ALPK1: variants seen among roughly 807,000 people sequenced by gnomAD.
ALPK1 encodes alpha-protein kinase 1.
A neutral mutation model predicts 120.6 loss-of-function variants in ALPK1; 110 were observed. The ratio of observed to expected loss-of-function variants is 0.91; its 90% confidence interval spans 0.78 to 1.07. The LOEUF (loss-of-function observed/expected upper bound fraction) is 1.07, where lower values mean the gene tolerates loss of function less well. Ranked by LOEUF, ALPK1 falls within the 50% of genes least tolerant of loss-of-function variation. The pLI is 0.00. For synonymous variants in ALPK1, 582 were observed against 560.3 expected (o/e 1.04, Z -0.55); for missense variants, 1,498 against 1,483.9 (o/e 1.01, Z -0.16).
intron 4 of ALPK1, among the ~76,000 whole-genome samples, chr4:112,395,253 A>G (rs1302667586): frequency 6.6e-6 from 1 of 152,180 alleles, no homozygotes; most frequent in Non-Finnish European, 1.5e-5. Flanking sequence ...CAGCAGGGAT[A>G]TGCCCTGGAT....
At chr4:112,386,275 A>G (rs1261978706) in intron 4 of ALPK1, among the ~76,000 whole-genome samples, 2 of 152,120 alleles carry the variant, frequency 1.3e-5, no homozygotes, top group African/African-American at 4.8e-5. Context: ...AATTTATGGC[A>G]GGGGCCAACC....
At chr4:112,310,499 C>T (rs1404384212) in intron 1 of ALPK1, among the ~76,000 whole-genome samples, 1 of 152,048 alleles carries the variant, frequency 6.6e-6, no homozygotes, top group Non-Finnish European at 1.5e-5. Context: ...ATAGCATGGC[C>T]AAGTTTTTGC....
intron 4 of ALPK1, among the ~76,000 whole-genome samples, chr4:112,410,120 A>T (rs1016899781): frequency 6.6e-6 from 1 of 152,188 alleles, no homozygotes; most frequent in Non-Finnish European, 1.5e-5. Flanking sequence ...CAGATAATTG[A>T]CTCAAAGGGG....
rs773665387 is a variant in ALPK1, at chr4:112,429,159, A to G, written c.806A>G (p.Lys269Arg). The change falls in exon 10 of 16, where the codon AAG (lysine) becomes AGG (arginine). Residue 269 changes from lysine to arginine, a missense_variant. Physicochemically the swap from Lys to Arg is conservative, Grantham distance 26. Coordinates refer to ENST00000650871, the MANE Select transcript of ALPK1 (RefSeq NM_025144.4). ...NNPQINLSLL[K>R]EFDHHLLSAA... ...CCTGTTTTCTCACAGAGCCTGCTGA[A>G]GGAGTTTGACCACCATTTGCTGTCC... The G allele has an allele frequency of 5.6e-6, 9 of 1,613,352 alleles. No homozygotes were observed. In the Admixed American group the frequency reaches 1.2e-4, roughly 21 times the overall value.
chr4:112,429,713 G>GCA (rs1734441340), intron 10 of ALPK1, among the ~76,000 whole-genome samples: 3 of 151,530 alleles, frequency 2.0e-5, no homozygotes, highest in Admixed American at 2.0e-4. Flanking sequence ...GGTGGTACGT[G>GCA]CCTATAGTCC....
At chr4:112,328,482 C>T (rs1258239273) in intron 2 of ALPK1, among the ~76,000 whole-genome samples, 3 of 152,214 alleles carry the variant, frequency 2.0e-5, no homozygotes, top group Non-Finnish European at 4.4e-5. Flanking sequence ...GTTATACTCT[C>T]CCTTGCTGCT....
intron 2 of ALPK1, among the ~76,000 whole-genome samples, chr4:112,328,304 A>G (rs1427800906): frequency 6.6e-6 from 1 of 152,230 alleles, no homozygotes; most frequent in Non-Finnish European, 1.5e-5. Context: ...CTCTGTTCGC[A>G]CTGGCTGCTA....
At position 112,317,708 on chromosome 4, in the gene ALPK1, T is replaced by G. The variant is rs1269923587; in HGVS notation, c.-101+1856T>G. Among the ~76,000 whole-genome samples, 6 of 152,160 alleles carry G rather than the reference T, an allele frequency of 3.9e-5. No individual in the cohort carries two copies. In the East Asian group the frequency reaches 1.2e-3, roughly 29 times the overall value. On this transcript the variant is annotated intron_variant, in intron 2 of 15. Transcript: ENST00000650871. ...TTTAGCTATTCCAAGTCCCTTGAGA[T>G]TCTATATAAATTTTAGGATGGATTT...
intron 1 of ALPK1, among the ~76,000 whole-genome samples, chr4:112,299,988 A>G (rs1048177735): frequency 1.3e-5 from 2 of 152,158 alleles, no homozygotes; most frequent in Admixed American, 6.5e-5. Flanking sequence ...GTATGTGCCA[A>G]TGGCTATATG....
At chr4:112,396,525 G>A (rs1289350691) in intron 4 of ALPK1, among the ~76,000 whole-genome samples, 2 of 152,174 alleles carry the variant, frequency 1.3e-5, no homozygotes, top group Non-Finnish European at 2.9e-5. Flanking sequence ...CAACATAACA[G>A]AGTAAGGCGC....
chr4:112,429,042 G>A (rs1402026865), intron 9 of ALPK1, 107 bp from the exon 10 acceptor site: 4 of 948,460 alleles, frequency 4.2e-6, no homozygotes, highest in South Asian at 1.3e-5. Context: ...GTTGCGGTGA[G>A]GAGTCCCTTG....
intron 1 of ALPK1, among the ~76,000 whole-genome samples, chr4:112,308,797 G>A (rs1200895946): frequency 6.6e-6 from 1 of 152,148 alleles, no homozygotes; most frequent in South Asian, 2.1e-4. Context: ...GAGAGGAGCT[G>A]CGTTCCTTTG....
intron 2 of ALPK1, among the ~76,000 whole-genome samples, chr4:112,319,986 CAA>C (rs1245621652): frequency 6.6e-6 from 1 of 152,184 alleles, no homozygotes; most frequent in Non-Finnish European, 1.5e-5. Flanking sequence ...ATGTCATCAG[CAA>C]ACAGTCACAG....
chr4:112,361,205 A>G (rs1172139567), intron 2 of ALPK1, among the ~76,000 whole-genome samples: 1 of 152,190 alleles, frequency 6.6e-6, no homozygotes, highest in Non-Finnish European at 1.5e-5. Flanking sequence ...GAGACAATCC[A>G]CAGACCCTTT....
chr4:112,350,868 T>C (rs1365921771), intron 2 of ALPK1, among the ~76,000 whole-genome samples: 1 of 152,202 alleles, frequency 6.6e-6, no homozygotes, highest in Non-Finnish European at 1.5e-5. Context: ...TATGACTGCC[T>C]CCTAGTATCA....
At chr4:112,428,997 A>C (rs1734399193) in intron 9 of ALPK1, 152 bp from the exon 10 acceptor site, 2 of 706,842 alleles carry the variant, frequency 2.8e-6, no homozygotes, top group Non-Finnish European at 5.0e-6. Flanking sequence ...TGGTCTTTAG[A>C]CCCACTTACT....
intron 1 of ALPK1, among the ~76,000 whole-genome samples, chr4:112,299,664 A>G (rs1727701214): frequency 6.6e-6 from 1 of 152,182 alleles, no homozygotes; most frequent in Non-Finnish European, 1.5e-5. Context: ...GGCCTTGGTT[A>G]CAGAGCTCAG....
intron 5 of ALPK1, among the ~76,000 whole-genome samples, chr4:112,423,112 TGTATGTCTAC>T (rs2148757034): frequency 1.3e-5 from 2 of 152,258 alleles, no homozygotes; most frequent in East Asian, 3.9e-4. Flanking sequence ...ACAGCCAGAG[TGTATGTCTAC>T]GTATGTAATT....
At chr4:112,395,072 A>G (rs1732592675) in intron 4 of ALPK1, among the ~76,000 whole-genome samples, 1 of 152,226 alleles carries the variant, frequency 6.6e-6, no homozygotes, top group South Asian at 2.1e-4. Flanking sequence ...TTTGTATGCA[A>G]CAAACGTCAA....
Sources: allele counts gnomAD v4.1 joint callset (sites outside exome capture counted in the v4.1 genomes callset), GRCh38; gene constraint gnomAD v4.1.1; transcripts MANE v1.5; gene names NCBI Gene and HGNC (gene_info 2026-07-23, HGNC 2026-07-21).